Variants in OR8D1 observed in about 807,000 individuals in gnomAD.
The protein encoded by OR8D1 is olfactory receptor family 8 subfamily D member 1.
For synonymous variants in OR8D1, 143 were observed against 147.0 expected, an observed-to-expected ratio of 0.97 and a Z score of 0.20; for missense variants, 384 against 366.8, an observed-to-expected ratio of 1.05 and a Z score of -0.38.
At chr11:124,310,992 C>T (rs1343715295) in intron 2 of OR8D1, among the ~76,000 whole-genome samples, 1 of 152,114 alleles carries the variant, frequency 6.6e-6, no homozygotes, top group Non-Finnish European at 1.5e-5. Context: ...AAAGTACTTC[C>T]TGACTGACTC....
chr11:124,310,770 T>C lies in OR8D1; in HGVS notation c.-4A>G. 6.2e-7 allele frequency: 1 copy of C among 1,601,600 alleles called. No homozygotes were observed. The highest frequency in any genetic ancestry group is 8.5e-7 in the Non-Finnish European group (1 of 1,172,556). ...TAGAATAATTTTCCATGGTCATTCTTCTTTAGGCATTTCTGTGAAAATAGA... is the reference window on the plus strand; with the variant it reads ...TAGAATAATTTTCCATGGTCATTCTCCTTTAGGCATTTCTGTGAAAATAGA... On this transcript the variant is annotated 5_prime_UTR_variant, in exon 3 of 3. Transcript: ENST00000641015.
At position 124,304,087 on chromosome 11, in the gene OR8D1, C is replaced by T. The variant is rs1035598688; in HGVS notation, c.*5753G>A. ...CAATGGAATCCTTATGGTCTGTGAA[C>T]TCTAAACTATTTGTTATCTGGTTTT... On this transcript the variant is annotated 3_prime_UTR_variant, in exon 3 of 3. Transcript: ENST00000641015. 3 of 151,984 alleles carry T rather than the reference C, an allele frequency of 2.0e-5. No homozygotes were observed. Among genetic ancestry groups the T allele is most frequent in the Admixed American group, 6.6e-5 (1 of 15,234 alleles). The allele number at this position is 151,984 out of a possible 1,614,324, so 9.4% of individuals were successfully genotyped here.
Position 124,303,740 on chromosome 11 carries a change from A to G in OR8D1, c.*6100T>C, listed in dbSNP as rs1350700046. The G allele has an allele frequency of 2.0e-5, 3 of 151,974 alleles. No homozygotes were observed. The highest frequency in any genetic ancestry group is 6.6e-5 in the Admixed American group (1 of 15,212). The allele number at this position is 151,974 out of a possible 1,614,324, so 9.4% of individuals were successfully genotyped here. ...TAAAGTCCTCTGTTTTCTTATTTTTATATTATAATCATTTCAAAATAATTA... is the reference window on the plus strand; with the variant it reads ...TAAAGTCCTCTGTTTTCTTATTTTTGTATTATAATCATTTCAAAATAATTA... On this transcript the variant is annotated 3_prime_UTR_variant, in exon 3 of 3. Coordinates refer to ENST00000641015, the MANE Select transcript of OR8D1 (RefSeq NM_001002917.2).
chr11:124,306,318 A>G lies in OR8D1; in HGVS notation c.*3522T>C, dbSNP rs1348636933. On this transcript the variant is annotated 3_prime_UTR_variant, in exon 3 of 3. Transcript: ENST00000641015. The stretch of plus-strand genomic sequence containing the variant: ...TACCATTTCACAGGTAAATAAGTAT[A>G]TGACTTATTTTATTTGAATTTTTAT... 1.3e-5 allele frequency: 2 copies of G among 150,128 alleles called. No homozygotes were observed. The highest frequency in any genetic ancestry group is 2.4e-5 in the African/African-American group (1 of 41,128). 9.3% of individuals were successfully genotyped at this position (150,128 alleles called of 1,614,324 possible).
rs1862369992 is a variant in OR8D1 at position 124,306,479 on chromosome 11, C to T, written c.*3361G>A. ...ATATTAATCTTTTTTGTATTAACTTCAAATCACCATTTACGTATTTTTATT... is the reference window on the plus strand; with the variant it reads ...ATATTAATCTTTTTTGTATTAACTTTAAATCACCATTTACGTATTTTTATT... On this transcript the variant is annotated 3_prime_UTR_variant, in exon 3 of 3. Coordinates refer to ENST00000641015, the MANE Select transcript of OR8D1 (RefSeq NM_001002917.2). 6.6e-6 allele frequency: 1 copy of T among 150,694 alleles called. No homozygotes were observed. The highest frequency in any genetic ancestry group is 6.7e-5 in the Admixed American group (1 of 15,036). 9.3% of individuals were successfully genotyped at this position (150,694 alleles called of 1,614,324 possible). A position where few individuals can be genotyped will look rare whatever the true frequency, so the allele number is the denominator to read the frequency against.
rs1347908051 is a variant in OR8D1 at position 124,310,289 on chromosome 11, T to C, written c.478A>G (p.Thr160Ala). The C allele has an allele frequency of 1.7e-5, 28 of 1,613,640 alleles. No individual in the cohort carries two copies. The highest frequency in any genetic ancestry group is 2.7e-5 in the African/African-American group (2 of 74,882). Residue 160 changes from threonine to alanine, a missense_variant, in exon 3 of 3, where the codon ACA becomes GCA. Coordinates refer to ENST00000641015, the MANE Select transcript of OR8D1 (RefSeq NM_001002917.2). ...AAGGACAGTTTCATCATGGCACTTG[T>C]ATGAGTCAAGGCAGAGAGAAAGCCC... The part of the protein sequence containing the change: ...FLGFLSALTH[T>A]SAMMKLSFCK...
Position 124,310,638 on chromosome 11 carries a change from C to T in OR8D1, c.129G>A (p.Leu43=). Residue 43 remains leucine (L), a synonymous_variant, in exon 3 of 3, where the codon CTG becomes CTA. Transcript: ENST00000641015. The stretch of plus-strand genomic sequence containing the variant: ...TGACTGCAATCAGGAGAATCATGCC[C>T]AGGTTGCCCACTACTGTGACCACAT... ...GIYVVTVVGN[L]GMILLIAVSP... 1 of 1,613,938 alleles carries T rather than the reference C, an allele frequency of 6.2e-7. No individual in the cohort carries two copies. The highest frequency in any genetic ancestry group is 8.5e-7 in the Non-Finnish European group (1 of 1,179,910).
rs148861414 is a variant in OR8D1 at position 124,310,158 on chromosome 11, C to A, written c.609G>T (p.Ala203=). 6.2e-7 allele frequency: 1 copy of A among 1,613,486 alleles called. No individual in the cohort carries two copies. Among genetic ancestry groups the A allele is most frequent in the Non-Finnish European group, 8.5e-7 (1 of 1,179,844 alleles). Reference sequence around the variant, plus strand: ...GGGTGGGCACCAAGGTGTTAAACCCCGCAATGATAAAAAGTAGAAGCTCAT... The same window carrying A: ...GGGTGGGCACCAAGGTGTTAAACCCAGCAATGATAAAAAGTAGAAGCTCAT... ...HLNELLLFII[A]GFNTLVPTLA... is the part of the protein sequence containing the mutation. Residue 203 remains alanine, a synonymous_variant, in exon 3 of 3, where the codon GCG becomes GCT. Transcript: ENST00000641015.
Position 124,313,809 on chromosome 11 carries a change from C to A in OR8D1, c.-210G>T, listed in dbSNP as rs1002970618. ...TGTAATAGCCAACAAAGAACAAAGT[C>A]TTTCCCACTACCTTATACACACATT... On this transcript the variant is annotated 5_prime_UTR_variant, in exon 1 of 3. Coordinates refer to ENST00000641015, the MANE Select transcript of OR8D1 (RefSeq NM_001002917.2). 12 of 152,172 alleles carry A rather than the reference C, an allele frequency of 7.9e-5. No homozygotes were observed. The highest frequency in any genetic ancestry group is 5.9e-4 in the Admixed American group (9 of 15,276). The allele number at this position is 152,172 out of a possible 1,614,324, so 9.4% of individuals were successfully genotyped here. A position where few individuals can be genotyped will look rare whatever the true frequency, so the allele number is the denominator to read the frequency against.
Position 124,310,252 on chromosome 11 carries a change from T to G in OR8D1, c.515A>C (p.His172Pro), listed in dbSNP as rs1306368032. The change falls in exon 3 of 3, where the codon CAC becomes CCC. Residue 172 changes from histidine to proline, a missense_variant. His to Pro is a moderately conservative substitution (Grantham distance 77, BLOSUM62 -2). Coordinates refer to ENST00000641015, the MANE Select transcript of OR8D1 (RefSeq NM_001002917.2). ...ATCACAGAAGTAATGGTTGATAATG[T>G]GGGATTTGCAAAAGGACAGTTTCAT... ...AMMKLSFCKS[H>P]IINHYFCDVL... The G allele has an allele frequency of 6.2e-7, 1 of 1,613,768 alleles. No individual in the cohort carries two copies. Among genetic ancestry groups the G allele is most frequent in the Admixed American group, 1.7e-5 (1 of 59,956 alleles).
In OR8D1 at chr11:124,305,493, C is replaced by A. The variant is rs1335406602; in HGVS notation, c.*4347G>T. ...ACAGTTCAAAAAAAAAAGAAAATGA[C>A]CAATTGTACAAGTCAATATAGTGGG... On this transcript the variant is annotated 3_prime_UTR_variant, in exon 3 of 3. Transcript: ENST00000641015. The A allele has an allele frequency of 6.6e-6, 1 of 151,320 alleles. No homozygotes were observed. Among genetic ancestry groups the A allele is most frequent in the Non-Finnish European group, 1.5e-5 (1 of 67,742 alleles). The allele number at this position is 151,320 out of a possible 1,614,324, so 9.4% of individuals were successfully genotyped here.
chr11:124,313,387 G>T (rs1371931603), intron 1 of OR8D1, among the ~76,000 whole-genome samples: 5 of 152,000 alleles, frequency 3.3e-5, no homozygotes, highest in Non-Finnish European at 7.4e-5. Context: ...TGTGTAGGAT[G>T]GTGTGCAAGA....
rs2137787361 is a variant in OR8D1 at position 124,304,600 on chromosome 11, T to C, written c.*5240A>G. On this transcript the variant is annotated 3_prime_UTR_variant, in exon 3 of 3. Coordinates refer to ENST00000641015, the MANE Select transcript of OR8D1 (RefSeq NM_001002917.2). Reference sequence around the variant, plus strand: ...TCCTCTCCAATACTGGATATTTTAATCTTTTAAATTTTAACCCTTCTAGTG... The same window carrying C: ...TCCTCTCCAATACTGGATATTTTAACCTTTTAAATTTTAACCCTTCTAGTG... 2.6e-5 allele frequency: 4 copies of C among 152,086 alleles called. No homozygotes were observed. The highest frequency in any genetic ancestry group is 9.6e-5 in the African/African-American group (4 of 41,564). 9.4% of individuals were successfully genotyped at this position (152,086 alleles called of 1,614,324 possible).
chr11:124,313,938 G>T lies in OR8D1; in HGVS notation c.-339C>A, dbSNP rs1205354603. 6.6e-6 allele frequency: 1 copy of T among 152,064 alleles called. No individual in the cohort carries two copies. Among genetic ancestry groups the T allele is most frequent in the Non-Finnish European group, 1.5e-5 (1 of 68,022 alleles). 9.4% of individuals were successfully genotyped at this position (152,064 alleles called of 1,614,324 possible). A position where few individuals can be genotyped will look rare whatever the true frequency, so the allele number is the denominator to read the frequency against. ...ACCTTGAAGCAGATCATGATATCCA[G>T]CTCCCCCAATCTTAAAAGCAAGAGG... On this transcript the variant is annotated 5_prime_UTR_variant, in exon 1 of 3. It adds an upstream start codon to the 5' untranslated region. Transcript: ENST00000641015.
chr11:124,310,169 A>G lies in OR8D1; in HGVS notation c.598T>C (p.Phe200Leu), dbSNP rs1356237247. 9 of 1,613,714 alleles carry G rather than the reference A, an allele frequency of 5.6e-6. No individual in the cohort carries two copies. In the East Asian group the frequency reaches 1.8e-4, roughly 32 times the overall value. Residue 200 changes from phenylalanine to leucine, a missense_variant, in exon 3 of 3, where the codon TTT (phenylalanine) becomes CTT (leucine). Transcript: ENST00000641015. The part of the protein sequence containing the change: ...SNTHLNELLL[F>L]IIAGFNTLVP... ...AAGGTGTTAAACCCCGCAATGATAAAAAGTAGAAGCTCATTGAGGTGTGTG... is the reference window on the plus strand; with the variant it reads ...AAGGTGTTAAACCCCGCAATGATAAGAAGTAGAAGCTCATTGAGGTGTGTG...
rs964124106 is a variant in OR8D1, at chr11:124,309,860, T to A, written c.907A>T (p.Lys303Ter). 1 of 1,464,926 alleles carries A rather than the reference T, an allele frequency of 6.8e-7. No individual in the cohort carries two copies. The highest frequency in any genetic ancestry group is 1.4e-5 in the African/African-American group (1 of 71,318). 90.7% of individuals were successfully genotyped at this position (1,464,926 alleles called of 1,614,324 possible). A position where few individuals can be genotyped will look rare whatever the true frequency, so the allele number is the denominator to read the frequency against. The change falls in exon 3 of 3, where the codon AAG (lysine) becomes TAG (stop). Residue 303 changes from lysine (K) to a stop codon, truncating the protein, a stop_gained. Transcript: ENST00000641015. LOFTEE classifies it low-confidence loss of function (END_TRUNC). ...RNKDVKKALR[K>*]VLVGK ...AGGACTCATTTTCCTACTAAGACCT[T>A]CCTTAATGCTTTCTTCACATCCTTA...
chr11:124,305,967 AC>A lies in OR8D1; in HGVS notation c.*3872del, dbSNP rs1862365924. 4 of 152,014 alleles carry A rather than the reference AC, an allele frequency of 2.6e-5. No homozygotes were observed. In the South Asian group the frequency reaches 8.3e-4, roughly 32 times the overall value. The allele number at this position is 152,014 out of a possible 1,614,324, so 9.4% of individuals were successfully genotyped here. On this transcript the variant is annotated 3_prime_UTR_variant, in exon 3 of 3. Coordinates refer to ENST00000641015, the MANE Select transcript of OR8D1 (RefSeq NM_001002917.2). ...TACTTTGCATATTGTCCCTGCCAGT[AC>A]TATTTCACAAAATTATTTTAATGAT...
Position 124,302,852 on chromosome 11 carries a change from T to C in OR8D1, c.*6988A>G, listed in dbSNP as rs1006492984. The C allele has an allele frequency of 3.3e-5, 5 of 152,146 alleles. No homozygotes were observed. Among genetic ancestry groups the C allele is most frequent in the Non-Finnish European group, 7.4e-5 (5 of 68,000 alleles). The allele number at this position is 152,146 out of a possible 1,614,324, so 9.4% of individuals were successfully genotyped here. A position where few individuals can be genotyped will look rare whatever the true frequency, so the allele number is the denominator to read the frequency against. On this transcript the variant is annotated 3_prime_UTR_variant, in exon 3 of 3. Transcript: ENST00000641015. ...ACATATTTAACTTATCTTACTCTCA[T>C]AACGGTTTTATAAGAAAGGAAGAAT...
In OR8D1 at chr11:124,305,922, C is replaced by T. The variant is rs192074082; in HGVS notation, c.*3918G>A. On this transcript the variant is annotated 3_prime_UTR_variant, in exon 3 of 3. Transcript: ENST00000641015. Reference sequence around the variant, plus strand: ...ACATATCAGTATCATTTATCATGCCCGTCTTCTTAACTTACTATATACTTT... The same window carrying T: ...ACATATCAGTATCATTTATCATGCCTGTCTTCTTAACTTACTATATACTTT... 2.0e-5 allele frequency: 3 copies of T among 151,926 alleles called. No individual in the cohort carries two copies. The highest frequency in any genetic ancestry group is 1.9e-4 in the East Asian group (1 of 5,170). The allele number at this position is 151,926 out of a possible 1,614,324, so 9.4% of individuals were successfully genotyped here.
Sources: gnomAD v4.1 joint callset for allele counts (sites outside exome capture counted in the v4.1 genomes callset) on GRCh38, gnomAD v4.1.1 for gene constraint, MANE v1.5 for transcripts, NCBI Gene and HGNC (gene_info 2026-07-23, HGNC 2026-07-21) for gene names.